CD34: variants seen among roughly 807,000 people sequenced by gnomAD.
CD34 encodes the protein CD34 molecule, also known as hematopoietic progenitor cell antigen CD34.
In CD34, 34 loss-of-function variants were observed where a neutral mutation model predicts 40.1. The observed-to-expected ratio is 0.85, with a 90% CI of 0.65 to 1.13. The LOEUF is 1.13. CD34 is among the 50% of genes most tolerant of loss of function. CD34 has a pLI of 0.00. For synonymous variants in CD34, 209 were observed against 190.0 expected (o/e 1.10, Z -0.82); for missense variants, 426 against 466.9 (o/e 0.91, Z 0.81).
intron 4 of CD34, chr1:207,889,878 A>C: frequency 2.6e-6 from 4 of 1,550,358 alleles, no homozygotes; most frequent in Non-Finnish European, 3.5e-6. Context: ...AACTTAAAAA[A>C]ATTGTCTCGT....
At chr1:207,910,958 CCCGCGGCGAAGCCAAGCGG>C (rs948591775) in intron 1 of CD34, 25 bp downstream of exon 1, 11 of 1,534,586 alleles carry the variant, frequency 7.2e-6, no homozygotes, top group Middle Eastern at 1.9e-4. Context: ...CTCCACCCTC[CCCGCGGCGAAGCCAAGCGG>C]CCGCGGCGCG....
intron 1 of CD34, among the ~76,000 whole-genome samples, chr1:207,903,355 T>C (rs1389767390): frequency 1.3e-5 from 2 of 152,328 alleles, no homozygotes; most frequent in East Asian, 3.9e-4. Flanking sequence ...AGTGAGAGCT[T>C]GTCACATCCT....
rs770650555 is a variant in CD34 at position 207,888,121 on chromosome 1, A to G, written c.973-198T>C. ...AAGAGTGGTCAGGGTTCCAGCTCCT[A>G]GAGGAGAAAGGACATAGGAGAGGCA... On this transcript the variant is annotated intron_variant, in intron 7 of 7. Transcript: ENST00000310833. 56 of 1,613,816 alleles carry G rather than the reference A, an allele frequency of 3.5e-5. 2 individuals are homozygous for G. The South Asian group carries it at 5.9e-4, about 17-fold the overall frequency.
Position 207,899,116 on chromosome 1 carries a change from C to T in CD34, c.373G>A (p.Ala125Thr), listed in dbSNP as rs757151224. The change falls in exon 3 of 8, where the codon GCC becomes ACC. Residue 125 changes from alanine (A) to threonine (T), a missense_variant. By Grantham distance (58) the Ala-to-Thr change is moderately conservative. Coordinates refer to ENST00000310833, the MANE Select transcript of CD34 (RefSeq NM_001025109.2). ...SVISTVFTTPANVSTPETTLK... is the reference protein window; with the variant it reads ...SVISTVFTTPTNVSTPETTLK... ...GTTGTCTCTGGAGTTGAAACGTTGGCTGGGGTGGTGAACACTGTGCTGATT... is the reference window on the plus strand; with the variant it reads ...GTTGTCTCTGGAGTTGAAACGTTGGTTGGGGTGGTGAACACTGTGCTGATT... 2 of 1,614,062 alleles carry T rather than the reference C, an allele frequency of 1.2e-6. No homozygotes were observed. The highest frequency in any genetic ancestry group is 1.7e-6 in the Non-Finnish European group (2 of 1,180,036).
chr1:207,896,587 G>C (rs1662152947), intron 4 of CD34, among the ~76,000 whole-genome samples: 1 of 152,088 alleles, frequency 6.6e-6, no homozygotes. Context: ...TGAATATATA[G>C]TGGGAGATCT....
At chr1:207,889,940 A>C (rs1028515469) in intron 4 of CD34, 18 of 1,480,082 alleles carry the variant, frequency 1.2e-5, no homozygotes, top group East Asian at 7.7e-5. Context: ...AGAAATGGCC[A>C]AAAACAGAAA....
At chr1:207,894,035 C>T (rs1462966942) in intron 4 of CD34, among the ~76,000 whole-genome samples, 1 of 152,128 alleles carries the variant, frequency 6.6e-6, no homozygotes, top group Non-Finnish European at 1.5e-5. Flanking sequence ...TGTGGTCCAG[C>T]CATTTCACTT....
intron 6 of CD34, 88 bp from the exon 7 acceptor site, chr1:207,888,934 T>C (rs1186225551): frequency 1.5e-6 from 2 of 1,311,870 alleles, no homozygotes; most frequent in African/African-American, 1.5e-5. Context: ...GACTCAACAG[T>C]GAACAGATGC....
In CD34 at chr1:207,883,269, A is replaced by G. The variant is rs1478891454; in HGVS notation, c.*4469T>C. The G allele has an allele frequency of 2.0e-5, 3 of 152,180 alleles. No individual in the cohort carries two copies. Among genetic ancestry groups the G allele is most frequent in the East Asian group, 3.9e-4 (2 of 5,192 alleles). The allele number at this position is 152,180 out of a possible 1,614,324, so 9.4% of individuals were successfully genotyped here. A position where few individuals can be genotyped will look rare whatever the true frequency, so the allele number is the denominator to read the frequency against. Reference sequence around the variant, plus strand: ...CACTACATATTGTATGTACTCTTCTATCAGTCTCAAATGTCCTTACTCATT... The same window carrying G: ...CACTACATATTGTATGTACTCTTCTGTCAGTCTCAAATGTCCTTACTCATT... On this transcript the variant is annotated 3_prime_UTR_variant, in exon 8 of 8. Coordinates refer to ENST00000310833, the MANE Select transcript of CD34 (RefSeq NM_001025109.2).
intron 4 of CD34, among the ~76,000 whole-genome samples, chr1:207,895,606 T>A (rs903211138): frequency 6.6e-6 from 1 of 152,198 alleles, no homozygotes; most frequent in Non-Finnish European, 1.5e-5. Context: ...TAGGAGGAAT[T>A]ATTTCTAAAA....
chr1:207,890,778 C>A (rs1417719655), intron 4 of CD34, among the ~76,000 whole-genome samples: 3 of 152,140 alleles, frequency 2.0e-5, no homozygotes, highest in African/African-American at 4.8e-5. Flanking sequence ...CCTCAAAAAA[C>A]CCCCAGGAAA....
At chr1:207,890,240 G>A (rs1467739981) in intron 4 of CD34, 3 of 995,898 alleles carry the variant, frequency 3.0e-6, no homozygotes, top group African/African-American at 3.5e-5. Flanking sequence ...GTTGCTGACT[G>A]GGCCATCAGA....
intron 1 of CD34, among the ~76,000 whole-genome samples, chr1:207,910,468 C>T (rs1014331715): frequency 3.3e-5 from 5 of 152,154 alleles, no homozygotes; most frequent in South Asian, 2.1e-4. Flanking sequence ...ATTCCGAACA[C>T]CCCTGGCCTG....
chr1:207,905,297 G>A (rs367939128), intron 1 of CD34, among the ~76,000 whole-genome samples: 2 of 152,126 alleles, frequency 1.3e-5, no homozygotes, highest in Non-Finnish European at 2.9e-5. Context: ...CACCATGCCC[G>A]GCTAATTTTT....
rs753812536 is a variant in CD34, at chr1:207,889,585, G to A, written c.634C>T (p.Arg212Ter). 5.5e-5 allele frequency: 88 copies of A among 1,613,876 alleles called. No individual in the cohort carries two copies. The highest frequency in any genetic ancestry group is 3.3e-4 in the Middle Eastern group (2 of 6,084). ...FKKDRGEGLA[R>*]VLCGEEQADA... ...GCCTGCTCCTCCCCACACAGCACTC[G>A]GGCCAGGCCCTCTCCCCTGTCCTTC... The change falls in exon 5 of 8, where the codon CGA becomes TGA. Residue 212 changes from arginine (R) to a stop codon, truncating the protein, a stop_gained. Transcript: ENST00000310833. LOFTEE classifies it high-confidence loss of function.
At chr1:207,900,350 A>G (rs2300054) in intron 1 of CD34, among the ~76,000 whole-genome samples, 33,313 of 152,124 alleles carry the variant, frequency 0.22, 4,358 homozygotes, top group East Asian at 0.4. Flanking sequence ...GAAAGAAAAA[A>G]ATTATAAAAA....
At chr1:207,905,845 G>C (rs892750524) in intron 1 of CD34, among the ~76,000 whole-genome samples, 1 of 152,146 alleles carries the variant, frequency 6.6e-6, no homozygotes, top group African/African-American at 2.4e-5. Context: ...AGGTATACAG[G>C]AAACACAAAT....
intron 3 of CD34, among the ~76,000 whole-genome samples, chr1:207,897,984 G>GT (rs1049008426): frequency 1.3e-5 from 2 of 152,132 alleles, no homozygotes; most frequent in African/African-American, 4.8e-5. Flanking sequence ...TGGGGTACCT[G>GT]TTTTTTCTCC....
At chr1:207,888,579 A>G (rs1407890976) in intron 7 of CD34, 103 bp downstream of exon 7, 2 of 1,124,994 alleles carry the variant, frequency 1.8e-6, no homozygotes, top group African/African-American at 3.1e-5. Context: ...AGCTCACAGA[A>G]GGGCTTTTTC....
Sources: allele counts gnomAD v4.1 joint callset (sites outside exome capture counted in the v4.1 genomes callset), GRCh38; gene constraint gnomAD v4.1.1; transcripts MANE v1.5; gene names NCBI Gene and HGNC (gene_info 2026-07-23, HGNC 2026-07-21).